Variants in MAPK8IP2 observed in about 807,000 individuals in gnomAD.
MAPK8IP2 encodes the protein mitogen-activated protein kinase 8 interacting protein 2.
MAPK8IP2 carries 15 observed loss-of-function variants against 75.6 expected under a neutral mutation model. That is an observed-to-expected ratio of 0.20 (90% CI 0.13 to 0.31). MAPK8IP2 has a LOEUF of 0.31. Ranked by LOEUF, MAPK8IP2 falls within the 10% of genes least tolerant of loss-of-function variation. The probability of loss-of-function intolerance (pLI) is 1.00; values close to 1 mark genes in which losing one functional copy is unlikely to be tolerated. For missense variants in MAPK8IP2, 1,089 were observed against 1,211.2 expected, an observed-to-expected ratio of 0.90 and a Z score of 1.50; for synonymous variants, 632 against 554.5, an observed-to-expected ratio of 1.14 and a Z score of -1.96.
At position 50,605,590 on chromosome 22, in the gene MAPK8IP2, G is replaced by C. The variant is rs767743720; in HGVS notation, c.1870G>C (p.Glu624Gln). 6 of 1,600,770 alleles carry C rather than the reference G, an allele frequency of 3.7e-6. No individual in the cohort carries two copies. The South Asian group carries it at 6.7e-5, about 18-fold the overall frequency. The change falls in exon 7 of 12, where the codon GAG (glutamate) becomes CAG (glutamine). Residue 624 changes from glutamate (E) to glutamine (Q), a missense_variant. This residue lies in a region of MAPK8IP2 where 960 missense variants were observed against 1,009.6 expected (regional missense o/e 0.95). Coordinates refer to ENST00000329492, the MANE Select transcript of MAPK8IP2 (RefSeq NM_012324.6). ...RFIPRHPDEL[E>Q]LDVDDPVLVE... is the part of the protein sequence containing the mutation. ...CATCCCGCGGCATCCAGACGAGCTG[G>C]AGCTGGATGTGGATGACCCTGTGTT...
Position 50,601,765 on chromosome 22 carries a change from C to T in MAPK8IP2, c.66-24C>T, listed in dbSNP as rs1156344067. ...GGCAGGGAGTCCAGGGTTGGTGGCTCTCTGACCCTGGTCTCCTTTCCAGGC... is the reference window on the plus strand; with the variant it reads ...GGCAGGGAGTCCAGGGTTGGTGGCTTTCTGACCCTGGTCTCCTTTCCAGGC... On this transcript the variant is annotated intron_variant, in intron 1 of 11. Coordinates refer to ENST00000329492, the MANE Select transcript of MAPK8IP2 (RefSeq NM_012324.6). The T allele has an allele frequency of 4.4e-6, 7 of 1,601,110 alleles. No homozygotes were observed. The East Asian group carries it at 1.3e-4, about 31-fold the overall frequency.
chr22:50,604,685 C>G lies in MAPK8IP2; in HGVS notation c.1386C>G (p.Ala462=), dbSNP rs1172052820. The G allele has an allele frequency of 3.3e-6, 5 of 1,524,700 alleles. No individual in the cohort carries two copies. In the African/African-American group the frequency reaches 5.6e-5, roughly 17 times the overall value. The allele number at this position is 1,524,700 out of a possible 1,614,324, so 94.4% of individuals were successfully genotyped here. A position where few individuals can be genotyped will look rare whatever the true frequency, so the allele number is the denominator to read the frequency against. ...APGRAARPGR[A]CSAACSEEED... ...GCCGCGCCGCCCGCCCGGGACGAGC[C>G]TGCTCCGCCGCCTGCTCCGAGGAGG... The change falls in exon 5 of 12, where the codon GCC becomes GCG. Residue 462 remains alanine, a synonymous_variant. Transcript: ENST00000329492.
intron 10 of MAPK8IP2, among the ~76,000 whole-genome samples, chr22:50,608,647 G>A (rs1294633999): frequency 1.5e-5 from 2 of 129,636 alleles, no homozygotes; most frequent in African/African-American, 3.0e-5. Context: ...CTGGGGTGGA[G>A]AGGTGGGACA....
chr22:50,608,786 A>T (rs2071095400), intron 10 of MAPK8IP2, among the ~76,000 whole-genome samples: 1 of 136,760 alleles, frequency 7.3e-6, no homozygotes, highest in Non-Finnish European at 1.6e-5. Context: ...GGCGCAGACC[A>T]GACGGTGGGG....
chr22:50,606,374 C>CCCCCTCAAGCTT (rs3070190), intron 8 of MAPK8IP2, among the ~76,000 whole-genome samples: 1 of 145,038 alleles, frequency 6.9e-6, no homozygotes, highest in African/African-American at 2.5e-5. Context: ...CAGCCCAGGG[C>CCCCCTCAAGCTT]GGGTGAGGTC....
In MAPK8IP2 at chr22:50,612,267, C is replaced by T. The variant is rs2071162035; in HGVS notation, c.*1488C>T. ...CAGAAGAAAATAGGTGACTTTTTCA[C>T]TATGTGCTTAGGTGACTGCAGATGC... On this transcript the variant is annotated 3_prime_UTR_variant, in exon 12 of 12. Transcript: ENST00000329492. 6.6e-6 allele frequency: 1 copy of T among 152,146 alleles called. No homozygotes were observed. The allele number at this position is 152,146 out of a possible 1,614,324, so 9.4% of individuals were successfully genotyped here. A position where few individuals can be genotyped will look rare whatever the true frequency, so the allele number is the denominator to read the frequency against.
intron 9 of MAPK8IP2, 26 bp downstream of exon 9, chr22:50,606,791 G>T (rs373762958): frequency 1.3e-6 from 2 of 1,572,702 alleles, no homozygotes; most frequent in Admixed American, 3.6e-5. Context: ...ACTGGGGACC[G>T]GGGACTGGGG....
At chr22:50,609,240 G>A (rs1230447248) in intron 10 of MAPK8IP2, among the ~76,000 whole-genome samples, 1 of 152,134 alleles carries the variant, frequency 6.6e-6, no homozygotes, top group Non-Finnish European at 1.5e-5. Context: ...CTGGTGTTGG[G>A]ATCACAGACT....
chr22:50,602,108 C>T (rs78266797), intron 2 of MAPK8IP2, among the ~76,000 whole-genome samples: 8,449 of 152,262 alleles, frequency 0.055, 328 homozygotes, highest in African/African-American at 0.1. Flanking sequence ...CCTTCCCCAG[C>T]ATTCTCCCCG....
Position 50,605,004 on chromosome 22 carries a change from G to A in MAPK8IP2, c.1705G>A (p.Asp569Asn). The A allele has an allele frequency of 6.2e-7, 1 of 1,612,524 alleles. No homozygotes were observed. Among genetic ancestry groups the A allele is most frequent in the Non-Finnish European group, 8.5e-7 (1 of 1,179,840 alleles). The change falls in exon 5 of 12, where the codon GAC (aspartate) becomes AAC (asparagine). Residue 569 changes from aspartate to asparagine, a missense_variant. By Grantham distance (23) the Asp-to-Asn change is conservative (BLOSUM62 1). This residue lies in a region of MAPK8IP2 where 960 missense variants were observed against 1,009.6 expected (regional missense o/e 0.95). Transcript: ENST00000329492. ...VSGDTSPDSP[D>N]LTFSKKFLNV... ...GGGGGACACCTCGCCGGACAGCCCT[G>A]ACCTCACTTTCTCCAAGAAGTTCCT...
At chr22:50,605,467 G>A (rs569721868) in intron 6 of MAPK8IP2, 24 bp downstream of exon 6, 14 of 1,612,572 alleles carry the variant, frequency 8.7e-6, no homozygotes, top group African/African-American at 2.7e-5. Flanking sequence ...CCTTGCTGGC[G>A]GTGGCCCCAG....
In MAPK8IP2 at chr22:50,611,192, C is replaced by T. The variant is rs2071144288; in HGVS notation, c.*413C>T. 5.7e-6 allele frequency: 1 copy of T among 174,146 alleles called. No homozygotes were observed. 10.8% of individuals were successfully genotyped at this position (174,146 alleles called of 1,614,324 possible). A position where few individuals can be genotyped will look rare whatever the true frequency, so the allele number is the denominator to read the frequency against. On this transcript the variant is annotated 3_prime_UTR_variant, in exon 12 of 12. Transcript: ENST00000329492. This position sits in a 1 kb window ranked among gnomAD's most constrained non-coding sequence, Gnocchi z 5.5. ...CGGCTTCCAAGTGATGCCCTCCTGC[C>T]ACTCCCCTGCGATTTATAAGGGAAT... is the stretch of plus-strand genomic sequence containing the variant.
rs1223270930 is a variant in MAPK8IP2, at chr22:50,603,647, G to A, written c.469G>A (p.Gly157Ser). ...CCAGGACTCCCTAAACAACAACGGA[G>A]GCTTTGACCTGGTGCGTCCGGCCTC... ...GAQDSLNNNG[G>S]FDLVRPASWQ... Residue 157 changes from glycine (G) to serine (S), a missense_variant, in exon 4 of 12, where the codon GGC becomes AGC. Physicochemically the swap from Gly to Ser is moderately conservative, Grantham distance 56. This residue lies in a region of MAPK8IP2 where 960 missense variants were observed against 1,009.6 expected (regional missense o/e 0.95). Transcript: ENST00000329492. The A allele has an allele frequency of 6.3e-7, 1 of 1,594,776 alleles. No individual in the cohort carries two copies.
In MAPK8IP2 at chr22:50,603,477, T is replaced by C; in HGVS notation, c.426T>C (p.Arg142=). 6.4e-7 allele frequency: 1 copy of C among 1,564,478 alleles called. No homozygotes were observed. The highest frequency in any genetic ancestry group is 8.7e-7 in the Non-Finnish European group (1 of 1,151,914). ...EPHKHRPTTL[R]LTTLGAQDSL... The stretch of plus-strand genomic sequence containing the variant: ...ACAAGCACCGGCCCACCACCCTCCG[T>C]CTGACCACACTGGGGGCCCAGGTGA... Residue 142 remains arginine, a synonymous_variant, in exon 3 of 12, where the codon CGT becomes CGC. Transcript: ENST00000329492.
rs549224923 is a variant in MAPK8IP2, at chr22:50,610,959, T to C, written c.*180T>C. 1.4e-5 allele frequency: 8 copies of C among 569,512 alleles called. No individual in the cohort carries two copies. Among genetic ancestry groups the C allele is most frequent in the Non-Finnish European group, 2.5e-5 (8 of 320,478 alleles). The allele number at this position is 569,512 out of a possible 1,614,324, so 35.3% of individuals were successfully genotyped here. Reference sequence around the variant, plus strand: ...GTCCCCAGGGCGCAGCTGTTGGGGCTGCGGGGGAGTGGAGCCCCCGTGCCC... The same window carrying C: ...GTCCCCAGGGCGCAGCTGTTGGGGCCGCGGGGGAGTGGAGCCCCCGTGCCC... On this transcript the variant is annotated 3_prime_UTR_variant, in exon 12 of 12. Coordinates refer to ENST00000329492, the MANE Select transcript of MAPK8IP2 (RefSeq NM_012324.6). This position sits in a 1 kb window ranked among gnomAD's most constrained non-coding sequence, Gnocchi z 4.3.
In MAPK8IP2 at chr22:50,604,840, T is replaced by C; in HGVS notation, c.1541T>C (p.Val514Ala). The C allele has an allele frequency of 6.3e-7, 1 of 1,582,388 alleles. No homozygotes were observed. Among genetic ancestry groups the C allele is most frequent in the Non-Finnish European group, 8.6e-7 (1 of 1,166,336 alleles). Residue 514 changes from valine to alanine, a missense_variant, in exon 5 of 12, where the codon GTG becomes GCG. Around this residue, in one of 2 missense-constraint regions of MAPK8IP2, gnomAD observed 960 missense variants for 1,009.6 expected, o/e 0.95. Coordinates refer to ENST00000329492, the MANE Select transcript of MAPK8IP2 (RefSeq NM_012324.6). The stretch of plus-strand genomic sequence containing the variant: ...TACGACGCGGTCAAGTACACGCTGG[T>C]GGTGGATGAGCACACGCAGCTGGAG... The part of the protein sequence containing the change: ...LVYDAVKYTL[V>A]VDEHTQLELV...
In MAPK8IP2 at chr22:50,604,141, A is replaced by C; in HGVS notation, c.842A>C (p.Asp281Ala). The C allele has an allele frequency of 6.4e-7, 1 of 1,556,338 alleles. No homozygotes were observed. Among genetic ancestry groups the C allele is most frequent in the Non-Finnish European group, 8.6e-7 (1 of 1,160,076 alleles). ...GAGACGGAGCTGGAGCTGAGCAGCG[A>C]TGGCGGAAGCAGCAGCAGCGGCCGC... The part of the protein sequence containing the change: ...ISETELELSS[D>A]GGSSSSGRSS... The change falls in exon 5 of 12, where the codon GAT becomes GCT. Residue 281 changes from aspartate to alanine, a missense_variant. Asp to Ala is a moderately radical substitution (Grantham distance 126). This residue lies in a region of MAPK8IP2 where 960 missense variants were observed against 1,009.6 expected (regional missense o/e 0.95). Coordinates refer to ENST00000329492, the MANE Select transcript of MAPK8IP2 (RefSeq NM_012324.6).
intron 5 of MAPK8IP2, 62 bp downstream of exon 5, chr22:50,605,126 G>A: frequency 1.3e-6 from 2 of 1,582,136 alleles, no homozygotes; most frequent in South Asian, 2.2e-5. Flanking sequence ...CCTGGCCCCA[G>A]TCCCAGGGTC....
Position 50,603,378 on chromosome 22 carries a change from G to A in MAPK8IP2, c.327G>A (p.Gln109=). Residue 109 remains glutamine (Q), a synonymous_variant, in exon 3 of 12, where the codon CAG becomes CAA. Transcript: ENST00000329492. ...EEEEEGDGEG[Q]EGGDPGSEAP... ...AGGAGGAGGGAGATGGGGAAGGCCA[G>A]GAGGGAGGAGACCCTGGCTCAGAGG... The A allele has an allele frequency of 6.4e-7, 1 of 1,555,850 alleles. No homozygotes were observed. The highest frequency in any genetic ancestry group is 8.7e-7 in the Non-Finnish European group (1 of 1,152,268).
Sources: gnomAD v4.1 joint callset for allele counts (sites outside exome capture counted in the v4.1 genomes callset) on GRCh38, gnomAD v4.1.1 for gene constraint, gnomAD v4.1.1 regional missense constraint, Gnocchi (gnomAD v3.1) non-coding constraint, MANE v1.5 for transcripts, NCBI Gene and HGNC (gene_info 2026-07-23, HGNC 2026-07-21) for gene names.